Variants in PLCE1 observed in about 807,000 individuals in gnomAD.
PLCE1 encodes 1-phosphatidylinositol 4,5-bisphosphate phosphodiesterase epsilon-1.
In PLCE1, 119 loss-of-function variants were observed where a neutral mutation model predicts 242.8. The ratio of observed to expected loss-of-function variants is 0.49; its 90% CI spans 0.42 to 0.57. PLCE1 has a LOEUF of 0.57. Among genes scored for constraint, PLCE1 ranks in the 20% least tolerant of loss-of-function variants. The pLI is 0.00. For missense variants in PLCE1, 2,441 were observed against 2,788.8 expected, an observed-to-expected ratio of 0.88 and a Z score of 2.81; for synonymous variants, 945 against 1,017.4, an observed-to-expected ratio of 0.93 and a Z score of 1.35.
intron 4 of PLCE1, among the ~76,000 whole-genome samples, chr10:94,217,633 C>T (rs1205966956): frequency 6.6e-6 from 1 of 152,136 alleles, no homozygotes; most frequent in Non-Finnish European, 1.5e-5. Context: ...GTTGGCAATT[C>T]CCCAAATTCC....
At chr10:94,237,585 G>A (rs2050367840) in intron 7 of PLCE1, among the ~76,000 whole-genome samples, 1 of 152,152 alleles carries the variant, frequency 6.6e-6, no homozygotes, top group African/African-American at 2.4e-5. Flanking sequence ...ACACAAAAAT[G>A]CAGATATTTC....
chr10:94,211,974 T>A (rs1271072797), intron 4 of PLCE1, among the ~76,000 whole-genome samples: 1 of 152,142 alleles, frequency 6.6e-6, no homozygotes, highest in Non-Finnish European at 1.5e-5. Flanking sequence ...GAAAAAAAAA[T>A]TACATGGTCA....
At chr10:94,110,604 T>C (rs1477631467) in intron 2 of PLCE1, among the ~76,000 whole-genome samples, 2 of 152,244 alleles carry the variant, frequency 1.3e-5, no homozygotes, top group Admixed American at 6.5e-5. Flanking sequence ...ATACATTATG[T>C]AGAAAAGCAG....
rs1177112312 is a variant in PLCE1, at chr10:94,226,831, CT to C, written c.1810-449del. ...TATAAGAGATTAAGGACCTATAGGTCTTTTTTTTTTTTTTTTTTTTTTTTTT... is the reference window on the plus strand; with the variant it reads ...TATAAGAGATTAAGGACCTATAGGTCTTTTTTTTTTTTTTTTTTTTTTTTT... On this transcript the variant is annotated intron_variant, in intron 4 of 32. Coordinates refer to ENST00000371380, the MANE Select transcript of PLCE1 (RefSeq NM_016341.4). Among the ~76,000 whole-genome samples, 793 of 101,798 alleles carry C rather than the reference CT, an allele frequency of 7.8e-3. 41 individuals carry two copies. Among genetic ancestry groups the C allele is most frequent in the South Asian group, 0.018 (55 of 2,974 alleles). 66.8% of individuals were successfully genotyped at this position (101,798 alleles called of 152,430 possible). A position where few individuals can be genotyped will look rare whatever the true frequency, so the allele number is the denominator to read the frequency against.
chr10:94,113,518 A>G (rs564289394), intron 2 of PLCE1, among the ~76,000 whole-genome samples: 2 of 152,338 alleles, frequency 1.3e-5, no homozygotes, highest in South Asian at 4.1e-4. Flanking sequence ...GCCGTAGGTG[A>G]GAAAAAGACA....
At chr10:94,136,952 G>T (rs2046796912) in intron 3 of PLCE1, among the ~76,000 whole-genome samples, 1 of 152,194 alleles carries the variant, frequency 6.6e-6, no homozygotes, top group African/African-American at 2.4e-5. Context: ...CAGCACTTTG[G>T]TAGGCCGAGG....
intron 4 of PLCE1, among the ~76,000 whole-genome samples, chr10:94,213,990 C>T (rs2860750): frequency 0.65 from 98,909 of 151,880 alleles, 32,601 homozygotes; most frequent in East Asian, 0.93. Flanking sequence ...ATCTTATGAG[C>T]GAGGAAATAA....
At chr10:94,325,270 T>C in intron 32 of PLCE1, 166 bp downstream of exon 32, 1 of 612,934 alleles carries the variant, frequency 1.6e-6, no homozygotes, top group Non-Finnish European at 2.9e-6. Context: ...AAGATATGTG[T>C]AACATGATAT....
At chr10:94,143,800 G>A (rs1047135316) in intron 3 of PLCE1, among the ~76,000 whole-genome samples, 1 of 152,126 alleles carries the variant, frequency 6.6e-6, no homozygotes, top group Non-Finnish European at 1.5e-5. Flanking sequence ...TTGGTATTTT[G>A]TCTTTTTAAC....
intron 3 of PLCE1, among the ~76,000 whole-genome samples, chr10:94,159,839 A>G (rs1033401936): frequency 2.0e-5 from 3 of 151,886 alleles, no homozygotes; most frequent in Non-Finnish European, 4.4e-5. Context: ...TCATTGTTCA[A>G]TTCCCACCTA....
chr10:94,042,225 C>T (rs1035213576), intron 2 of PLCE1, among the ~76,000 whole-genome samples: 1 of 152,124 alleles, frequency 6.6e-6, no homozygotes, highest in Non-Finnish European at 1.5e-5. Flanking sequence ...CTCCCTGACG[C>T]TGTGTAGTAG....
At chr10:94,283,591 C>A (rs1372363798) in intron 20 of PLCE1, 199 bp from the exon 21 acceptor site, 12 of 476,778 alleles carry the variant, frequency 2.5e-5, no homozygotes, top group Non-Finnish European at 4.7e-5. Flanking sequence ...GTAAATAAAT[C>A]AATTAAATTG....
intron 1 of PLCE1, among the ~76,000 whole-genome samples, chr10:94,030,388 A>G (rs551629210): frequency 3.4e-4 from 52 of 151,694 alleles, no homozygotes; most frequent in Non-Finnish European, 5.2e-4. Context: ...TCTTTCAGAC[A>G]TCAATGTCTG....
At chr10:94,187,761 G>A (rs374140925) in intron 4 of PLCE1, among the ~76,000 whole-genome samples, 19 of 152,272 alleles carry the variant, frequency 1.2e-4, no homozygotes, top group African/African-American at 4.1e-4. Flanking sequence ...TTAATCCCAC[G>A]ATTCAGATTC....
At chr10:94,204,715 A>AGAAG (rs888822222) in intron 4 of PLCE1, among the ~76,000 whole-genome samples, 1 of 148,090 alleles carries the variant, frequency 6.8e-6, no homozygotes, top group East Asian at 2.1e-4. Context: ...AAGGAAGAAA[A>AGAAG]GAAGGAAGGA....
At chr10:94,290,365 A>G (rs984501533) in intron 22 of PLCE1, among the ~76,000 whole-genome samples, 11 of 149,472 alleles carry the variant, frequency 7.4e-5, no homozygotes, top group Admixed American at 4.7e-4. Flanking sequence ...CTGTGACTCC[A>G]GCCAAAGACA....
intron 4 of PLCE1, among the ~76,000 whole-genome samples, chr10:94,179,530 T>TTTTTTTTTTGG (rs10636243): frequency 8.4e-6 from 1 of 118,826 alleles, no homozygotes; most frequent in Non-Finnish European, 1.7e-5. Flanking sequence ...TTTTTTTTTT[T>TTTTTTTTTTGG]GACAGGGTCT....
chr10:94,047,907 A>G (rs146918951), intron 2 of PLCE1, among the ~76,000 whole-genome samples: 397 of 152,278 alleles, frequency 2.6e-3, no homozygotes, highest in Admixed American at 4.5e-3. Flanking sequence ...TAAGAACTGT[A>G]TATTTTAATA....
chr10:94,089,324 A>C (rs753876934), intron 2 of PLCE1: 1 of 1,613,690 alleles, frequency 6.2e-7, no homozygotes, highest in Non-Finnish European at 8.5e-7. Context: ...GAGGTACCCA[A>C]TTTTACCTTG....
Sources: allele counts gnomAD v4.1 joint callset (sites outside exome capture counted in the v4.1 genomes callset), GRCh38; gene constraint gnomAD v4.1.1; transcripts MANE v1.5; gene names NCBI Gene and HGNC (gene_info 2026-07-23, HGNC 2026-07-21).